The following PTPRD variants were observed in gnomAD, a reference collection of about 807,000 sequenced individuals.
The protein encoded by PTPRD is receptor-type tyrosine-protein phosphatase delta.
PTPRD carries 34 observed loss-of-function variants against 214.5 expected under a neutral mutation model. The observed-to-expected ratio is 0.16, with a 90% CI of 0.12 to 0.21. The LOEUF (loss-of-function observed/expected upper bound fraction) is 0.21, where lower values mean the gene tolerates loss of function less well. PTPRD is among the 10% of genes least tolerant of loss of function. The pLI is 1.00. For missense variants in PTPRD, 2,545 were observed against 2,398.7 expected (o/e 1.06, Z -1.27); for synonymous variants, 1,128 against 845.7 (o/e 1.33, Z -5.79).
At chr9:10,606,304 G>T (rs1489456136) in intron 2 of PTPRD, among the ~76,000 whole-genome samples, 1 of 151,812 alleles carries the variant, frequency 6.6e-6, no homozygotes, top group Non-Finnish European at 1.5e-5. Context: ...TCTAGCGTGA[G>T]ATTAATGAGT....
intron 9 of PTPRD, among the ~76,000 whole-genome samples, chr9:9,375,089 G>C (rs760258241): frequency 6.6e-6 from 1 of 152,158 alleles, no homozygotes; most frequent in Non-Finnish European, 1.5e-5. Context: ...GTATGTGTAT[G>C]TGCGTGTGTG....
chr9:10,414,830 T>C (rs1304384624), intron 2 of PTPRD, among the ~76,000 whole-genome samples: 1 of 151,682 alleles, frequency 6.6e-6, no homozygotes, highest in Non-Finnish European at 1.5e-5. Flanking sequence ...AGCAAACTAA[T>C]GCAGAAACAG....
At chr9:9,308,364 AG>A (rs1441629528) in intron 9 of PTPRD, among the ~76,000 whole-genome samples, 1 of 152,216 alleles carries the variant, frequency 6.6e-6, no homozygotes, top group Non-Finnish European at 1.5e-5. Flanking sequence ...GAGAATTGCA[AG>A]AATATTGCTA....
At chr9:8,899,806 C>T (rs556965833) in intron 11 of PTPRD, among the ~76,000 whole-genome samples, 5 of 152,214 alleles carry the variant, frequency 3.3e-5, no homozygotes, top group Admixed American at 2.6e-4. Context: ...GCTTGGCAGT[C>T]GGCATGTTGC....
intron 2 of PTPRD, among the ~76,000 whole-genome samples, chr9:10,461,685 C>T (rs1415201124): frequency 6.0e-5 from 9 of 150,430 alleles, no homozygotes; most frequent in East Asian, 3.9e-4. Context: ...TGCAGTGGCA[C>T]GATATCAGCT....
At chr9:8,954,263 T>C (rs1019777134) in intron 11 of PTPRD, among the ~76,000 whole-genome samples, 11 of 151,966 alleles carry the variant, frequency 7.2e-5, no homozygotes, top group Admixed American at 2.6e-4. Flanking sequence ...AAATACTACA[T>C]GTTCTCACTT....
rs186683970 is a variant in PTPRD at position 9,094,760 on chromosome 9, G to A, written c.-142-76025C>T. Among the ~76,000 whole-genome samples the A allele has an allele frequency of 1.5e-3, 222 of 152,034 alleles. 2 individuals carry two copies. Among genetic ancestry groups the A allele is most frequent in the African/African-American group, 5.1e-3 (213 of 41,480 alleles). On this transcript the variant is annotated intron_variant, in intron 10 of 45. Coordinates refer to ENST00000381196, the MANE Select transcript of PTPRD (RefSeq NM_002839.4). Reference sequence around the variant, plus strand: ...AAAATATTTAACAACAACAAACAACGACAACAACAACATACAATTTCCATA... The same window carrying A: ...AAAATATTTAACAACAACAAACAACAACAACAACAACATACAATTTCCATA...
intron 10 of PTPRD, among the ~76,000 whole-genome samples, chr9:9,127,543 A>G (rs2099835955): frequency 6.6e-6 from 1 of 152,186 alleles, no homozygotes; most frequent in South Asian, 2.1e-4. Flanking sequence ...GTTTGACTTG[A>G]GCAATCAATG....
intron 8 of PTPRD, among the ~76,000 whole-genome samples, chr9:9,471,065 C>G (rs990737711): frequency 6.6e-6 from 1 of 152,178 alleles, no homozygotes; most frequent in African/African-American, 2.4e-5. Context: ...TCTAACAGAA[C>G]TGATAAATCT....
intron 7 of PTPRD, among the ~76,000 whole-genome samples, chr9:9,655,931 T>C (rs984687660): frequency 1.3e-5 from 2 of 151,610 alleles, no homozygotes; most frequent in African/African-American, 4.8e-5. Context: ...TGAACCGAGA[T>C]TGCACCATCG....
At chr9:9,837,375 A>G (rs968001767) in intron 5 of PTPRD, among the ~76,000 whole-genome samples, 1 of 152,302 alleles carries the variant, frequency 6.6e-6, no homozygotes, top group South Asian at 2.1e-4. Flanking sequence ...TAGCTATTGC[A>G]TGGCTAATGT....
At chr9:8,610,271 T>A (rs886108875) in intron 14 of PTPRD, among the ~76,000 whole-genome samples, 64 of 152,176 alleles carry the variant, frequency 4.2e-4, no homozygotes, top group Non-Finnish European at 8.0e-4. Context: ...ATATATATAT[T>A]TTTTGTAAAG....
At position 10,482,955 on chromosome 9, in the gene PTPRD, C is replaced by T. The variant is rs187727134; in HGVS notation, c.-600+129443G>A. 4.9e-3 allele frequency among the ~76,000 whole-genome samples: 747 copies of T among 152,098 alleles called. 12 individuals are homozygous for T. Among genetic ancestry groups the T allele is most frequent in the African/African-American group, 0.017 (720 of 41,484 alleles). On this transcript the variant is annotated intron_variant, in intron 2 of 45. Transcript: ENST00000381196. ...AGATAATCTTGAAATTCATATGGAACCAAAAAAGAGCAGAAATAGCCAAGG... is the reference window on the plus strand; with the variant it reads ...AGATAATCTTGAAATTCATATGGAATCAAAAAAGAGCAGAAATAGCCAAGG...
intron 10 of PTPRD, among the ~76,000 whole-genome samples, chr9:9,061,142 A>AG (rs113871360): frequency 3.3e-5 from 5 of 152,294 alleles, no homozygotes; most frequent in African/African-American, 1.2e-4. Flanking sequence ...GGAGACTGTC[A>AG]GGGTACCGGC....
At chr9:9,230,075 G>T (rs1393495142) in intron 9 of PTPRD, among the ~76,000 whole-genome samples, 3 of 152,050 alleles carry the variant, frequency 2.0e-5, no homozygotes, top group Non-Finnish European at 4.4e-5. Context: ...AATAAACAGT[G>T]TATTTGGTCT....
chr9:9,127,914 C>T (rs1203660024), intron 10 of PTPRD, among the ~76,000 whole-genome samples: 1 of 152,230 alleles, frequency 6.6e-6, no homozygotes, highest in Non-Finnish European at 1.5e-5. Context: ...TTTGCCACTA[C>T]TAGAATATCT....
At chr9:8,973,047 T>C (rs901978226) in intron 11 of PTPRD, among the ~76,000 whole-genome samples, 1 of 151,898 alleles carries the variant, frequency 6.6e-6, no homozygotes, top group Non-Finnish European at 1.5e-5. Context: ...AAAGATATTA[T>C]TGAGAAGTAT....
intron 3 of PTPRD, among the ~76,000 whole-genome samples, chr9:10,259,358 T>C (rs898434723): frequency 6.6e-6 from 1 of 152,158 alleles, no homozygotes; most frequent in Non-Finnish European, 1.5e-5. Context: ...ATTGACGTTC[T>C]TTTTCTTCCT....
At chr9:8,321,485 G>A (rs4008234) in intron 44 of PTPRD, among the ~76,000 whole-genome samples, 4,709 of 42,892 alleles carry the variant, frequency 0.11, 180 homozygotes, top group African/African-American at 0.31. Context: ...GTGTGTGTGT[G>A]TGTATATATA....
Sources: gnomAD v4.1 joint callset for allele counts (sites outside exome capture counted in the v4.1 genomes callset) on GRCh38, gnomAD v4.1.1 for gene constraint, MANE v1.5 for transcripts, NCBI Gene and HGNC (gene_info 2026-07-23, HGNC 2026-07-21) for gene names.